Variants in CCNE2 observed in about 807,000 individuals in gnomAD.
CCNE2 encodes the protein G1/S-specific cyclin-E2.
Under a neutral mutation model 56.8 loss-of-function variants are expected in CCNE2, and 18 were observed. The observed-to-expected ratio is 0.32, with a 90% CI of 0.22 to 0.47. The LOEUF (loss-of-function observed/expected upper bound fraction) is 0.47, where lower values mean the gene tolerates loss of function less well. Ranked by LOEUF, CCNE2 falls within the 20% of genes least tolerant of loss-of-function variation. CCNE2 has a pLI of 1.00. For synonymous variants in CCNE2, 139 were observed against 149.2 expected (o/e 0.93, Z 0.50); for missense variants, 371 against 467.1 (o/e 0.79, Z 1.90).
chr8:94,895,259 G>A, upstream of CCNE2: 1 of 985,640 alleles, frequency 1.0e-6, no homozygotes, highest in Non-Finnish European at 1.2e-6. Flanking sequence ...CCGCACGCAT[G>A]CGCCTCAGAC....
At chr8:94,889,898 T>C (rs1244870020) in intron 6 of CCNE2, among the ~76,000 whole-genome samples, 1 of 152,166 alleles carries the variant, frequency 6.6e-6, no homozygotes, top group African/African-American at 2.4e-5. Context: ...AAATTAATGG[T>C]ATATTTCGGA....
chr8:94,892,939 TC>T lies in CCNE2; in HGVS notation c.195del (p.Ile66SerfsTer14), dbSNP rs1563684829. 6.5e-7 allele frequency: 1 copy of T among 1,539,656 alleles called. No homozygotes were observed. Among genetic ancestry groups the T allele is most frequent in the Non-Finnish European group, 8.7e-7 (1 of 1,155,082 alleles). ...RNCWPPVLSG[G>X]ISPCIIIETP... ...GTTTCAATGATAATGCAAGGACTGA[TC>T]CCCCCAGATAATACAGGTGGCCAAC... On this transcript the variant is annotated frameshift_variant, in exon 5 of 12. Coordinates refer to ENST00000308108, the MANE Select transcript of CCNE2 (RefSeq NM_057749.3). LOFTEE classifies it high-confidence loss of function.
At chr8:94,891,744 T>C (rs1431529444) in intron 5 of CCNE2, 2 of 921,860 alleles carry the variant, frequency 2.2e-6, no homozygotes, top group African/African-American at 1.6e-5. Context: ...GACATTACAA[T>C]GGTGGAGTTG....
At chr8:94,891,932 A>T in intron 5 of CCNE2, 1 of 1,200,522 alleles carries the variant, frequency 8.3e-7, no homozygotes, top group Non-Finnish European at 1.2e-6. Flanking sequence ...ACGATGTGCC[A>T]ACGGACCTAC....
Position 94,892,829 on chromosome 8 carries a change from CAAA to C in CCNE2, c.303_305del (p.Leu102del). The C allele has an allele frequency of 1.4e-6, 2 of 1,414,726 alleles. No homozygotes were observed. The highest frequency in any genetic ancestry group is 1.9e-6 in the Non-Finnish European group (2 of 1,049,446). 87.6% of individuals were successfully genotyped at this position (1,414,726 alleles called of 1,614,324 possible). The stretch of plus-strand genomic sequence containing the variant: ...GAAATTTTTCTTACCTTAAATCAGG[CAAA>C]GGTGAAGGATTAATAAAAAGATTTT... On this transcript the variant is annotated inframe_deletion, in exon 5 of 12. Transcript: ENST00000308108.
chr8:94,890,574 C>CATATAT (rs750535446), intron 5 of CCNE2, 24 bp from the exon 6 acceptor site: 30 of 715,900 alleles, frequency 4.2e-5, no homozygotes, highest in Middle Eastern at 3.4e-4. Flanking sequence ...GGAAAAAAAC[C>CATATAT]ATATATATAT....
At position 94,885,137 on chromosome 8, in the gene CCNE2, T is replaced by A. The variant is rs1471926176; in HGVS notation, c.761A>T (p.Asp254Val). The A allele has an allele frequency of 6.2e-7, 1 of 1,613,460 alleles. No homozygotes were observed. Among genetic ancestry groups the A allele is most frequent in the East Asian group, 2.2e-5 (1 of 44,768 alleles). ...ISWLNLFLQV[D>V]ALKDAPKVLL... ...AACTTTAGGAGCATCTTTAAGAGCA[T>A]CAACTTGGAGAAAGAGATTTAGCCA... Residue 254 changes from aspartate (D) to valine (V), a missense_variant, in exon 9 of 12, where the codon GAT becomes GTT. By Grantham distance (152) the Asp-to-Val change is radical. Transcript: ENST00000308108.
At chr8:94,886,871 TAGG>T (rs1465840015) in intron 7 of CCNE2, among the ~76,000 whole-genome samples, 3 of 152,214 alleles carry the variant, frequency 2.0e-5, no homozygotes, top group African/African-American at 7.2e-5. Context: ...GTCTCCCACA[TAGG>T]AGAACAGGCT....
chr8:94,885,880 G>A (rs143730081), intron 7 of CCNE2, among the ~76,000 whole-genome samples: 22 of 151,800 alleles, frequency 1.4e-4, no homozygotes, highest in African/African-American at 4.1e-4. Flanking sequence ...CACTGTGCCC[G>A]GCTATTTTTT....
rs531995758 is a variant in CCNE2, at chr8:94,893,216, C to T, written c.166-247G>A. ...TCTGGTAATAGAAGACACCAGGTGT[C>T]GAAGAAGGACAGTAATAACAAAATG... On this transcript the variant is annotated intron_variant, in intron 4 of 11. Coordinates refer to ENST00000308108, the MANE Select transcript of CCNE2 (RefSeq NM_057749.3). Among the ~76,000 whole-genome samples, 3 of 151,636 alleles carry T rather than the reference C, an allele frequency of 2.0e-5. No individual in the cohort carries two copies. The South Asian group carries it at 6.2e-4, about 32-fold the overall frequency.
Position 94,892,893 on chromosome 8 carries a change from G to T in CCNE2, c.242C>A (p.Thr81Lys). 6.5e-7 allele frequency: 1 copy of T among 1,527,876 alleles called. No homozygotes were observed. The highest frequency in any genetic ancestry group is 8.8e-7 in the Non-Finnish European group (1 of 1,135,034). The allele number at this position is 1,527,876 out of a possible 1,614,324, so 94.6% of individuals were successfully genotyped here. Residue 81 changes from threonine (T) to lysine (K), a missense_variant, in exon 5 of 12, where the codon ACA (threonine) becomes AAA (lysine). Coordinates refer to ENST00000308108, the MANE Select transcript of CCNE2 (RefSeq NM_057749.3). ...ATTTGTAAATCTGGAGAAATCACTT[G>T]TTCCTATTTCTTTGTGAGGTGTTTC... ...IIETPHKEIG[T>K]SDFSRFTNYR...
At chr8:94,890,364 A>G (rs1817186435) in intron 6 of CCNE2, 51 bp downstream of exon 6, 4 of 1,448,210 alleles carry the variant, frequency 2.8e-6, no homozygotes. Flanking sequence ...TTACAGCTAA[A>G]TATGTTTCCA....
intron 5 of CCNE2, chr8:94,891,747 T>C: frequency 1.1e-6 from 1 of 945,996 alleles, no homozygotes; most frequent in Non-Finnish European, 1.7e-6. Flanking sequence ...ATTACAATGG[T>C]GGAGTTGGTA....
intron 4 of CCNE2, 32 bp downstream of exon 4, chr8:94,893,859 C>T: frequency 1.3e-6 from 2 of 1,586,080 alleles, no homozygotes; most frequent in Non-Finnish European, 1.7e-6. Flanking sequence ...TCCATTTTTC[C>T]CCCAAACCCA....
At position 94,885,048 on chromosome 8, in the gene CCNE2, T is replaced by A. The variant is rs1816983317; in HGVS notation, c.831+19A>T. 3 of 1,607,478 alleles carry A rather than the reference T, an allele frequency of 1.9e-6. No individual in the cohort carries two copies. Among genetic ancestry groups the A allele is most frequent in the Admixed American group, 3.4e-5 (2 of 59,512 alleles). On this transcript the variant is annotated intron_variant, in intron 9 of 11. Coordinates refer to ENST00000308108, the MANE Select transcript of CCNE2 (RefSeq NM_057749.3). ...TGTAATTAATAACATTACCATTGAA[T>A]CAATAAAAATGTCAGTACCTGAGCT... is the stretch of plus-strand genomic sequence containing the variant.
chr8:94,894,995 G>A (rs1817426476), intron 1 of CCNE2, among the ~76,000 whole-genome samples, 182 bp downstream of exon 1: 1 of 152,140 alleles, frequency 6.6e-6, no homozygotes, highest in Non-Finnish European at 1.5e-5. Context: ...TCCATGCCCA[G>A]CCGCTTCCCG....
chr8:94,881,556 T>G lies in CCNE2; in HGVS notation c.*76A>C. On this transcript the variant is annotated 3_prime_UTR_variant, in exon 12 of 12. Transcript: ENST00000308108. ...CAATCAATCACAGCACTACTTTCTGTAAAACTTTAGTAGTTCAGTGATACC... is the reference window on the plus strand; with the variant it reads ...CAATCAATCACAGCACTACTTTCTGGAAAACTTTAGTAGTTCAGTGATACC... The G allele has an allele frequency of 6.7e-7, 1 of 1,481,818 alleles. No individual in the cohort carries two copies. 91.8% of individuals were successfully genotyped at this position (1,481,818 alleles called of 1,614,324 possible). A position where few individuals can be genotyped will look rare whatever the true frequency, so the allele number is the denominator to read the frequency against.
In CCNE2 at chr8:94,887,954, G is replaced by A; in HGVS notation, c.573C>T (p.Thr191=). ...NKNMLQLIGI[T]SLFIASKLEE... ...CAAGTTTGGAAGCAATGAATAATGA[G>A]GTAATTCCAATGAGTTGAAGCATAT... is the stretch of plus-strand genomic sequence containing the variant. Residue 191 remains threonine, a synonymous_variant, in exon 7 of 12, where the codon ACC becomes ACT. Transcript: ENST00000308108. The A allele has an allele frequency of 6.3e-7, 1 of 1,591,906 alleles. No homozygotes were observed. The highest frequency in any genetic ancestry group is 8.5e-7 in the Non-Finnish European group (1 of 1,171,450).
chr8:94,892,043 T>C (rs746412387), intron 5 of CCNE2: 20 of 746,972 alleles, frequency 2.7e-5, no homozygotes, highest in Non-Finnish European at 4.0e-5. Context: ...GAAGAGGCGG[T>C]TGCCCAGAAG....
Sources: allele counts gnomAD v4.1 joint callset (sites outside exome capture counted in the v4.1 genomes callset), GRCh38; gene constraint gnomAD v4.1.1; transcripts MANE v1.5; gene names NCBI Gene and HGNC (gene_info 2026-07-23, HGNC 2026-07-21).